Variants in FBXO10 observed in about 807,000 individuals in gnomAD.
FBXO10 encodes the protein F-box protein 10.
FBXO10 carries 39 observed loss-of-function variants against 80.7 expected under a neutral mutation model. The ratio of observed to expected loss-of-function variants is 0.48; its 90% CI spans 0.37 to 0.63. The LOEUF (loss-of-function observed/expected upper bound fraction) is 0.63. Among genes scored for constraint, FBXO10 ranks in the 30% least tolerant of loss-of-function variants. The pLI, the probability that FBXO10 is intolerant of heterozygous loss-of-function variation, is 0.00. For missense variants in FBXO10, 1,025 were observed against 1,269.0 expected (o/e 0.81, Z 2.92); for synonymous variants, 449 against 489.6 (o/e 0.92, Z 1.09).
intron 4 of FBXO10, among the ~76,000 whole-genome samples, chr9:37,530,620 C>A (rs1162909365): frequency 6.6e-6 from 1 of 152,114 alleles, no homozygotes; most frequent in African/African-American, 2.4e-5. Context: ...TGTGTATTTT[C>A]TTTTTCTTTT....
chr9:37,522,372 C>G (rs1441173237), intron 7 of FBXO10: 1 of 1,001,638 alleles, frequency 1.0e-6, no homozygotes, highest in Middle Eastern at 5.1e-4. Flanking sequence ...TTATTATTAT[C>G]ACTGTATTAT....
intron 1 of FBXO10, among the ~76,000 whole-genome samples, chr9:37,566,689 C>G (rs1287820882): frequency 6.6e-6 from 1 of 152,136 alleles, no homozygotes; most frequent in African/African-American, 2.4e-5. Context: ...GTAAACTGTT[C>G]TAAAGTAATA....
At chr9:37,530,692 G>A (rs933845952) in intron 4 of FBXO10, among the ~76,000 whole-genome samples, 2 of 151,832 alleles carry the variant, frequency 1.3e-5, no homozygotes, top group African/African-American at 4.8e-5. Context: ...CATGGCTCAT[G>A]ACCATGCCAT....
intron 5 of FBXO10, among the ~76,000 whole-genome samples, chr9:37,526,232 A>T (rs1283410353): frequency 2.6e-5 from 4 of 152,172 alleles, no homozygotes; most frequent in Non-Finnish European, 5.9e-5. Context: ...CATCCAAGGA[A>T]AAAAGAGAAA....
intron 2 of FBXO10, among the ~76,000 whole-genome samples, chr9:37,538,694 C>T (rs1318651003): frequency 2.9e-5 from 4 of 136,042 alleles, no homozygotes; most frequent in Non-Finnish European, 6.1e-5. Flanking sequence ...GGCGAAAGAG[C>T]AAGACTCGGT....
intron 3 of FBXO10, among the ~76,000 whole-genome samples, chr9:37,536,902 G>A (rs1821780073): frequency 6.6e-6 from 1 of 152,144 alleles, no homozygotes; most frequent in South Asian, 2.1e-4. Context: ...ATGTGACCCT[G>A]AGTAAGCCAC....
chr9:37,570,225 A>G (rs1165347459), intron 1 of FBXO10, among the ~76,000 whole-genome samples: 1 of 152,094 alleles, frequency 6.6e-6, no homozygotes, highest in Non-Finnish European at 1.5e-5. Flanking sequence ...GAGGCAGGAT[A>G]ATCCCTTGAA....
At chr9:37,549,559 G>A (rs1822139768) in intron 1 of FBXO10, among the ~76,000 whole-genome samples, 1 of 152,126 alleles carries the variant, frequency 6.6e-6, no homozygotes, top group Non-Finnish European at 1.5e-5. Flanking sequence ...ATCCTTAGAG[G>A]CCATAGTTTT....
chr9:37,541,146 C>A, intron 2 of FBXO10, 38 bp downstream of exon 2: 1 of 1,522,952 alleles, frequency 6.6e-7, no homozygotes, highest in South Asian at 1.3e-5. Flanking sequence ...CCTCTGGGGT[C>A]AGAACTAGAA....
intron 1 of FBXO10, among the ~76,000 whole-genome samples, chr9:37,558,616 G>A (rs80224635): frequency 6.6e-6 from 1 of 152,064 alleles, no homozygotes; most frequent in South Asian, 2.1e-4. Context: ...ACAAAGTACA[G>A]GCTTAATAAC....
intron 3 of FBXO10, among the ~76,000 whole-genome samples, chr9:37,533,872 C>CA (rs200965716): frequency 0.35 from 37,879 of 108,508 alleles, 5,063 homozygotes; most frequent in South Asian, 0.44. Flanking sequence ...GACTCCGTCT[C>CA]AAAAAAAAAA....
intron 1 of FBXO10, among the ~76,000 whole-genome samples, chr9:37,542,481 G>A (rs1821946037): frequency 6.6e-6 from 1 of 151,612 alleles, no homozygotes; most frequent in Non-Finnish European, 1.5e-5. Flanking sequence ...TGTAATCCCA[G>A]CTACTTGGGA....
At chr9:37,559,048 A>T (rs1563887852) in intron 1 of FBXO10, among the ~76,000 whole-genome samples, 1 of 152,118 alleles carries the variant, frequency 6.6e-6, no homozygotes, top group African/African-American at 2.4e-5. Flanking sequence ...ACCTCAGGTG[A>T]TCCGCCCGCC....
intron 1 of FBXO10, 136 bp from the exon 2 acceptor site, chr9:37,541,910 A>T: frequency 1.4e-6 from 1 of 689,872 alleles, no homozygotes; most frequent in Non-Finnish European, 2.3e-6. Flanking sequence ...CCTCACCATA[A>T]CCTCCACCTC....
chr9:37,549,271 C>G lies in FBXO10; in HGVS notation c.-6-7497G>C, dbSNP rs372096737. On this transcript the variant is annotated intron_variant, in intron 1 of 10. Coordinates refer to ENST00000432825, the MANE Select transcript of FBXO10 (RefSeq NM_012166.3). ...CTCCCCTCAGAAATTAAGTGCCTCC[C>G]CTGGGCTCCCACAGCACCCAGAGAA... 8.5e-4 allele frequency among the ~76,000 whole-genome samples: 130 copies of G among 152,276 alleles called. No individual in the cohort carries two copies. In the East Asian group the frequency reaches 0.021, roughly 25 times the overall value.
intron 1 of FBXO10, among the ~76,000 whole-genome samples, chr9:37,571,241 G>C (rs150289882): frequency 2.4e-4 from 37 of 152,246 alleles, no homozygotes; most frequent in African/African-American, 8.9e-4. Context: ...TGGTGGAAGA[G>C]GATGATATGG....
chr9:37,538,267 C>T (rs929525751), intron 2 of FBXO10, among the ~76,000 whole-genome samples: 3 of 152,320 alleles, frequency 2.0e-5, no homozygotes, highest in East Asian at 1.9e-4. Flanking sequence ...AGGGCTAGGA[C>T]AGGCAGTGAG....
rs994023310 is a variant in FBXO10, at chr9:37,512,805, C to T, written c.2697-84G>A. Reference sequence around the variant, plus strand: ...GCCCTGCACAGTCTTAACTTGGGTTCCAGATCGGTGGATCCAGGTGTTTAA... The same window carrying T: ...GCCCTGCACAGTCTTAACTTGGGTTTCAGATCGGTGGATCCAGGTGTTTAA... On this transcript the variant is annotated intron_variant, in intron 10 of 10. Transcript: ENST00000432825. The T allele has an allele frequency of 3.9e-5, 55 of 1,417,304 alleles. No homozygotes were observed. In the African/African-American group the frequency reaches 7.7e-4, roughly 20 times the overall value. 87.8% of individuals were successfully genotyped at this position (1,417,304 alleles called of 1,614,324 possible).
intron 1 of FBXO10, among the ~76,000 whole-genome samples, chr9:37,560,927 G>A (rs1822463655): frequency 6.6e-6 from 1 of 152,130 alleles, no homozygotes; most frequent in African/African-American, 2.4e-5. Context: ...CAGATCATGA[G>A]GTCAGGAGAT....
Sources: allele counts gnomAD v4.1 joint callset (sites outside exome capture counted in the v4.1 genomes callset), GRCh38; gene constraint gnomAD v4.1.1; transcripts MANE v1.5; gene names NCBI Gene and HGNC (gene_info 2026-07-23, HGNC 2026-07-21).